The following ASAH1 variants were observed in gnomAD, a reference collection of about 807,000 sequenced individuals.
The protein encoded by ASAH1 is N-acylsphingosine amidohydrolase 1, also known as acid ceramidase.
A neutral mutation model predicts 59.5 loss-of-function variants in ASAH1; 70 were observed. That is an observed-to-expected ratio of 1.18 (90% CI 0.97 to 1.43). The LOEUF (loss-of-function observed/expected upper bound fraction) is 1.43. Among genes scored for constraint, ASAH1 ranks in the 40% most tolerant of loss-of-function variants. The probability of loss-of-function intolerance (pLI) is 0.00; values close to 1 mark genes in which losing one functional copy is unlikely to be tolerated. For synonymous variants in ASAH1, 213 were observed against 166.5 expected (o/e 1.28, Z -2.15); for missense variants, 660 against 482.5 (o/e 1.37, Z -3.45).
chr8:18,063,570 C>G (rs545857138), intron 6 of ASAH1: 1 of 253,230 alleles, frequency 3.9e-6, no homozygotes, highest in Non-Finnish European at 7.7e-6. Flanking sequence ...TCGCCCGCCT[C>G]GGCCTCGCAA....
chr8:18,068,870 G>A (rs983296076), intron 4 of ASAH1, among the ~76,000 whole-genome samples: 10 of 152,148 alleles, frequency 6.6e-5, no homozygotes, highest in East Asian at 3.9e-4. Flanking sequence ...TCACACCTAC[G>A]ATCCCAACAC....
chr8:18,084,449 C>T (rs988635758), upstream of ASAH1: 8 of 1,356,920 alleles, frequency 5.9e-6, no homozygotes, highest in African/African-American at 7.3e-5. Context: ...CGGGTGCAGC[C>T]TGTCCCGCGT....
At chr8:18,067,106 TGTGCTG>T in intron 5 of ASAH1, 108 bp downstream of exon 5, 1 of 465,470 alleles carries the variant, frequency 2.1e-6, no homozygotes, top group Non-Finnish European at 3.0e-6. Flanking sequence ...CCTGTGCACC[TGTGCTG>T]TATATCTAAG....
At chr8:18,059,194 C>T (rs762831402) in intron 12 of ASAH1, 147 bp downstream of exon 12, 17 of 1,336,452 alleles carry the variant, frequency 1.3e-5, no homozygotes, top group African/African-American at 2.9e-5. Flanking sequence ...GTTAAGAAAA[C>T]GAAACAAAAA....
chr8:18,059,460 C>T lies in ASAH1; in HGVS notation c.922G>A (p.Asp308Asn), dbSNP rs758747892. 5.0e-6 allele frequency: 8 copies of T among 1,614,140 alleles called. No individual in the cohort carries two copies. Among genetic ancestry groups the T allele is most frequent in the African/African-American group, 2.7e-5 (2 of 75,052 alleles). The change falls in exon 12 of 14, where the codon GAT (aspartate) becomes AAT (asparagine). Residue 308 changes from aspartate (D) to asparagine (N), a missense_variant. By Grantham distance (23) the Asp-to-Asn change is conservative (BLOSUM62 1). Coordinates refer to ENST00000637790, the MANE Select transcript of ASAH1 (RefSeq NM_177924.5). ...ACATACCATCTACCCTGCTTAGCATCGAGTCTAGATACAAAAGGAGAGATT... is the reference window on the plus strand; with the variant it reads ...ACATACCATCTACCCTGCTTAGCATTGAGTCTAGATACAAAAGGAGAGATT... The part of the protein sequence containing the change: ...RKESLDVYEL[D>N]AKQGRWYVVQ...
rs565090745 is a variant in ASAH1 at position 18,068,413 on chromosome 8, T to C, written c.304-1115A>G. On this transcript the variant is annotated intron_variant, in intron 4 of 13. Transcript: ENST00000637790. ...TTTTGCTCCTGCCAGCATTTTTTTG[T>C]TTTGAGGAAGTCCGGTAAGTATGAA... 1.6e-4 allele frequency: 24 copies of C among 152,444 alleles called. 1 individual carries two copies. The East Asian group carries it at 4.4e-3, about 28-fold the overall frequency. 9.4% of individuals were successfully genotyped at this position (152,444 alleles called of 1,614,324 possible).
rs1033788936 is a variant in ASAH1, at chr8:18,075,724, A to G, written c.79-137T>C. 5 of 750,362 alleles carry G rather than the reference A, an allele frequency of 6.7e-6. No homozygotes were observed. In the Admixed American group the frequency reaches 7.2e-5, roughly 11 times the overall value. The allele number at this position is 750,362 out of a possible 1,614,324, so 46.5% of individuals were successfully genotyped here. A position where few individuals can be genotyped will look rare whatever the true frequency, so the allele number is the denominator to read the frequency against. On this transcript the variant is annotated intron_variant, in intron 1 of 13. Transcript: ENST00000637790. ...TTTATACGTTTCAATGCCTCTTAAAATAAGTCTTTTCTTTCCAAGAAAACT... is the reference window on the plus strand; with the variant it reads ...TTTATACGTTTCAATGCCTCTTAAAGTAAGTCTTTTCTTTCCAAGAAAACT...
At chr8:18,067,586 G>A in intron 4 of ASAH1, 1 of 166,198 alleles carries the variant, frequency 6.0e-6, no homozygotes, top group Non-Finnish European at 1.3e-5. Context: ...CTCCAGAGAA[G>A]GCAGGAACGA....
chr8:18,061,336 T>G lies in ASAH1; in HGVS notation c.785+41A>C, dbSNP rs753002725. On this transcript the variant is annotated intron_variant, in intron 10 of 13. Transcript: ENST00000637790. ...ATTTTTATTTTTTAATATGAGTAAT[T>G]TAAAATAAATATTTAATAGTAAAGC... is the stretch of plus-strand genomic sequence containing the variant. 2.0e-6 allele frequency: 3 copies of G among 1,482,398 alleles called. No homozygotes were observed. The African/African-American group carries it at 4.2e-5, about 21-fold the overall frequency. 91.8% of individuals were successfully genotyped at this position (1,482,398 alleles called of 1,614,324 possible).
rs1799521009 is a variant in ASAH1, at chr8:18,057,511, C to T, written c.*23G>A. On this transcript the variant is annotated 3_prime_UTR_variant, in exon 14 of 14. Transcript: ENST00000637790. ...TGGTGTCTTCATGTCTCAGAGGCCG[C>T]ATTCTGTAGGCCAGACGTGTGCTCA... 6 of 1,564,406 alleles carry T rather than the reference C, an allele frequency of 3.8e-6. No individual in the cohort carries two copies. In the African/African-American group the frequency reaches 5.4e-5, roughly 14 times the overall value.
intron 2 of ASAH1, 33 bp downstream of exon 2, chr8:18,075,507 CA>C (rs1241492524): frequency 1.2e-6 from 2 of 1,611,308 alleles, no homozygotes; most frequent in African/African-American, 1.3e-5. Flanking sequence ...TCACAAAGGT[CA>C]AAGGGAGTTT....
In ASAH1 at chr8:18,069,775, GA is replaced by G. The variant is rs752815437; in HGVS notation, c.303+16del. On this transcript the variant is annotated intron_variant, in intron 4 of 13. Transcript: ENST00000637790. ...TCTATGTGCTTAACATTTATTGTGA[GA>G]AATAATATCTCTTACCAATTTTTCA... 6 of 1,509,586 alleles carry G rather than the reference GA, an allele frequency of 4.0e-6. No homozygotes were observed. Among genetic ancestry groups the G allele is most frequent in the Non-Finnish European group, 3.7e-6 (4 of 1,086,838 alleles). The allele number at this position is 1,509,586 out of a possible 1,614,324, so 93.5% of individuals were successfully genotyped here.
Position 18,059,336 on chromosome 8 carries a change from G to C in ASAH1, c.1041+5C>G, listed in dbSNP as rs746880928. 3 of 1,614,186 alleles carry C rather than the reference G, an allele frequency of 1.9e-6. No individual in the cohort carries two copies. The highest frequency in any genetic ancestry group is 1.6e-4 in the Middle Eastern group (1 of 6,062). ...TTCTTTCTATAGATGACCCTGCAAAGGTACCTCTTGGCTGGTGCGGTTCAG... is the reference window on the plus strand; with the variant it reads ...TTCTTTCTATAGATGACCCTGCAAACGTACCTCTTGGCTGGTGCGGTTCAG... On this transcript the variant is annotated splice_donor_5th_base_variant and intron_variant, in intron 12 of 13. Coordinates refer to ENST00000637790, the MANE Select transcript of ASAH1 (RefSeq NM_177924.5).
chr8:18,066,422 C>CAAAAAAAAAAAAAAAAAAAACA (rs35999931), intron 5 of ASAH1: 1 of 127,338 alleles, frequency 7.9e-6, no homozygotes, highest in Non-Finnish European at 1.7e-5. Flanking sequence ...CAAAGAAAAC[C>CAAAAAAAAAAAAAAAAAAAACA]AAAAAAAAAA....
chr8:18,063,129 A>C, intron 7 of ASAH1, 56 bp downstream of exon 7: 1 of 1,563,712 alleles, frequency 6.4e-7, no homozygotes, highest in Non-Finnish European at 8.8e-7. Flanking sequence ...CAGCCTCCCA[A>C]AAAGCTGGGA....
chr8:18,078,173 C>T (rs1053578508), intron 1 of ASAH1, among the ~76,000 whole-genome samples: 26 of 152,322 alleles, frequency 1.7e-4, no homozygotes, highest in African/African-American at 6.3e-4. Context: ...TGACTCCTAT[C>T]CCTTCCTAAT....
upstream of ASAH1, chr8:18,084,532 C>A: frequency 7.0e-7 from 1 of 1,428,388 alleles, no homozygotes; most frequent in Non-Finnish European, 9.5e-7. Flanking sequence ...CACCCTGACC[C>A]ATCTTTGCCC....
chr8:18,068,624 G>C (rs1800032010), intron 4 of ASAH1: 1 of 152,106 alleles, frequency 6.6e-6, no homozygotes, highest in African/African-American at 2.4e-5. Flanking sequence ...CAACTGAGGG[G>C]GTGTTACCAG....
chr8:18,082,903 AATTTT>A (rs67146155), intron 1 of ASAH1, among the ~76,000 whole-genome samples: 9,370 of 152,146 alleles, frequency 0.062, 475 homozygotes, highest in African/African-American at 0.13. Context: ...ACAATGGAGC[AATTTT>A]ATTTTAAGGC....
Sources: allele counts gnomAD v4.1 joint callset (sites outside exome capture counted in the v4.1 genomes callset), GRCh38; gene constraint gnomAD v4.1.1; transcripts MANE v1.5; gene names NCBI Gene and HGNC (gene_info 2026-07-23, HGNC 2026-07-21).